The following MYH11 variants were observed in gnomAD, a reference collection of about 807,000 sequenced individuals.
MYH11 encodes the protein myosin heavy chain 11, also known as myosin-11.
MYH11 carries 80 observed loss-of-function variants against 246.6 expected under a neutral mutation model. The ratio of observed to expected loss-of-function variants is 0.32; its 90% CI spans 0.27 to 0.39. The LOEUF (loss-of-function observed/expected upper bound fraction) is 0.39, where lower values mean the gene tolerates loss of function less well. Ranked by LOEUF, MYH11 falls within the 10% of genes least tolerant of loss-of-function variation. MYH11 has a pLI of 1.00. For synonymous variants in MYH11, 1,071 were observed against 1,015.5 expected (o/e 1.05, Z -1.04); for missense variants, 2,158 against 2,546.8 (o/e 0.85, Z 3.29).
chr16:15,823,494 G>C (rs1312516352), intron 2 of MYH11, 83 bp from the exon 3 acceptor site: 4 of 1,550,590 alleles, frequency 2.6e-6, no homozygotes, highest in African/African-American at 1.4e-5. Context: ...TCTCATGTTA[G>C]AGATGGGGAA....
At position 15,745,041 on chromosome 16, in the gene MYH11, G is replaced by A. The variant is rs559008315; in HGVS notation, c.2520+88C>T. The A allele has an allele frequency of 5.6e-4, 577 of 1,031,248 alleles. 2 individuals are homozygous for A. The highest frequency in any genetic ancestry group is 2.8e-3 in the Middle Eastern group (14 of 4,916). 63.9% of individuals were successfully genotyped at this position (1,031,248 alleles called of 1,614,324 possible). On this transcript the variant is annotated intron_variant, in intron 20 of 40. Coordinates refer to ENST00000300036, the MANE Select transcript of MYH11 (RefSeq NM_002474.3). ...AGCCCTCCATTCCACACCCACTTGCGACCACCTCCTGTCCCAAATGTGAAG... is the reference window on the plus strand; with the variant it reads ...AGCCCTCCATTCCACACCCACTTGCAACCACCTCCTGTCCCAAATGTGAAG...
Position 15,717,003 on chromosome 16 carries a change from T to C in MYH11, c.5504+137A>G, listed in dbSNP as rs535222434. On this transcript the variant is annotated intron_variant, in intron 38 of 40. Transcript: ENST00000300036. ...GTGTTTACGTTCAGTTCTCACAACA[T>C]ACCTGCACTGTAGGCATCACAGAGC... 51 of 973,380 alleles carry C rather than the reference T, an allele frequency of 5.2e-5. 2 individuals are homozygous for C. The South Asian group carries it at 6.1e-4, about 12-fold the overall frequency. The allele number at this position is 973,380 out of a possible 1,614,324, so 60.3% of individuals were successfully genotyped here.
intron 1 of MYH11, among the ~76,000 whole-genome samples, chr16:15,838,524 C>T (rs761748835): frequency 5.9e-5 from 9 of 152,124 alleles, no homozygotes; most frequent in Non-Finnish European, 8.8e-5. Context: ...ATACATAAGC[C>T]ATGCTATTTC....
chr16:15,725,706 T>C, intron 28 of MYH11: 3 of 398,932 alleles, frequency 7.5e-6, no homozygotes, highest in Middle Eastern at 1.3e-3. Flanking sequence ...CCTCGCCCCT[T>C]GGTCCCTGGC....
chr16:15,729,550 ATTT>A (rs35507327), intron 27 of MYH11, among the ~76,000 whole-genome samples: 8 of 137,000 alleles, frequency 5.8e-5, no homozygotes, highest in Admixed American at 7.3e-5. Flanking sequence ...TCCAACCATA[ATTT>A]TTTTTTTTTT....
At chr16:15,779,287 C>CCTGGGCCTTGCCTGTG in intron 6 of MYH11, 1 of 283,290 alleles carries the variant, frequency 3.5e-6, no homozygotes, top group Non-Finnish European at 6.9e-6. Flanking sequence ...TACAGGCATG[C>CCTGGGCCTTGCCTGTG]ACCACCATAT....
intron 3 of MYH11, among the ~76,000 whole-genome samples, chr16:15,814,114 C>T (rs1299675627): frequency 4.7e-5 from 7 of 149,198 alleles, no homozygotes; most frequent in South Asian, 2.1e-4. Context: ...CTCCAGCTTG[C>T]GCGACAAGAG....
intron 4 of MYH11, among the ~76,000 whole-genome samples, chr16:15,788,790 C>T (rs1208635578): frequency 7.3e-6 from 1 of 137,380 alleles, no homozygotes; most frequent in East Asian, 2.1e-4. Flanking sequence ...AAACTAAGAC[C>T]AGAATATATG....
chr16:15,725,173 G>C, intron 28 of MYH11, 181 bp from the exon 29 acceptor site: 1 of 637,214 alleles, frequency 1.6e-6, no homozygotes, highest in Non-Finnish European at 2.7e-6. Context: ...AAAAAAAACA[G>C]AATCTGTGGC....
intron 2 of MYH11, among the ~76,000 whole-genome samples, chr16:15,829,342 T>C (rs1413438331): frequency 6.6e-6 from 1 of 152,200 alleles, no homozygotes; most frequent in Non-Finnish European, 1.5e-5. Context: ...ACTTAATCCA[T>C]ACTTCCAGGT....
At chr16:15,741,983 A>G in intron 20 of MYH11, 92 bp from the exon 21 acceptor site, 2 of 1,552,906 alleles carry the variant, frequency 1.3e-6, no homozygotes, top group Non-Finnish European at 1.7e-6. Context: ...GCCAGGGACA[A>G]TGTTGCCCCC....
At chr16:15,719,021 A>G (rs2151202791) in intron 36 of MYH11, 199 bp downstream of exon 36, 1 of 632,702 alleles carries the variant, frequency 1.6e-6, no homozygotes, top group Non-Finnish European at 2.9e-6. Flanking sequence ...TCAGCTACTC[A>G]GAAGGCTGAG....
At chr16:15,780,263 T>C (rs1318703991) in intron 6 of MYH11, among the ~76,000 whole-genome samples, 1 of 146,506 alleles carries the variant, frequency 6.8e-6, no homozygotes, top group East Asian at 2.1e-4. Flanking sequence ...ATTTGGCTTG[T>C]CACATGTTGG....
intron 2 of MYH11, 51 bp from the exon 3 acceptor site, chr16:15,823,462 A>G: frequency 1.2e-6 from 2 of 1,609,582 alleles, no homozygotes; most frequent in South Asian, 2.2e-5. Context: ...GGGTAGACAG[A>G]TTGCACAGAA....
chr16:15,801,671 C>A (rs2042889252), intron 3 of MYH11, among the ~76,000 whole-genome samples: 2 of 150,992 alleles, frequency 1.3e-5, no homozygotes, highest in Non-Finnish European at 3.0e-5. Context: ...TAAAAACAGA[C>A]CTGGGATGGG....
chr16:15,724,101 A>C, intron 31 of MYH11, 60 bp downstream of exon 31: 1 of 1,608,516 alleles, frequency 6.2e-7, no homozygotes, highest in Admixed American at 1.7e-5. Flanking sequence ...CATACTCTGC[A>C]GAGCTGATTC....
intron 10 of MYH11, among the ~76,000 whole-genome samples, chr16:15,762,031 G>T (rs992275563): frequency 6.6e-6 from 1 of 152,232 alleles, no homozygotes; most frequent in African/African-American, 2.4e-5. Context: ...CTGGAGTGCA[G>T]TGGCACAATC....
Position 15,829,131 on chromosome 16 carries a change from C to T in MYH11, c.346-5720G>A, listed in dbSNP as rs538436940. Reference sequence around the variant, plus strand: ...CCAAGGAGGCAGAGGTTATGTGAGCCGAGATCATGCCACCACACTCCAGCC... The same window carrying T: ...CCAAGGAGGCAGAGGTTATGTGAGCTGAGATCATGCCACCACACTCCAGCC... On this transcript the variant is annotated intron_variant, in intron 2 of 40. Coordinates refer to ENST00000300036, the MANE Select transcript of MYH11 (RefSeq NM_002474.3). Among the ~76,000 whole-genome samples the T allele has an allele frequency of 4.2e-4, 63 of 150,414 alleles. No individual in the cohort carries two copies. In the South Asian group the frequency reaches 0.01, roughly 25 times the overall value.
chr16:15,837,835 C>T (rs560290403), intron 2 of MYH11, 73 bp downstream of exon 2: 2 of 1,410,364 alleles, frequency 1.4e-6, no homozygotes, highest in East Asian at 4.6e-5. Context: ...GTGCCCAGCC[C>T]TCCCAACACA....
Sources: allele counts gnomAD v4.1 joint callset (sites outside exome capture counted in the v4.1 genomes callset), GRCh38; gene constraint gnomAD v4.1.1; transcripts MANE v1.5; gene names NCBI Gene and HGNC (gene_info 2026-07-23, HGNC 2026-07-21).